The following ATR variants were observed in gnomAD, a reference collection of about 807,000 sequenced individuals.
ATR encodes ATR checkpoint kinase.
ATR carries 142 observed loss-of-function variants against 305.3 expected under a neutral mutation model. That is an observed-to-expected ratio of 0.47 (90% CI 0.41 to 0.53). The LOEUF (loss-of-function observed/expected upper bound fraction) is 0.53. Ranked by LOEUF, ATR falls within the 20% of genes least tolerant of loss-of-function variation. The pLI is 0.00. For missense variants in ATR, 2,135 were observed against 3,133.1 expected, an observed-to-expected ratio of 0.68 and a Z score of 7.60; for synonymous variants, 1,050 against 1,068.1, an observed-to-expected ratio of 0.98 and a Z score of 0.33.
rs757472802 is a variant in ATR, at chr3:142,560,412, A to G, written c.1392T>C (p.Ser464=). The G allele has an allele frequency of 4.3e-6, 7 of 1,613,574 alleles. No individual in the cohort carries two copies. The highest frequency in any genetic ancestry group is 5.9e-6 in the Non-Finnish European group (7 of 1,179,644). ...VDMNQKSILW[S]ALKQKAESLQ... ...GGGATTCAGCTTTCTGTTTCAGTGCACTCCATAATATGCTCTTTTGGTTCA... is the reference window on the plus strand; with the variant it reads ...GGGATTCAGCTTTCTGTTTCAGTGCGCTCCATAATATGCTCTTTTGGTTCA... Residue 464 remains serine, a synonymous_variant, in exon 6 of 47, where the codon AGT becomes AGC. Transcript: ENST00000350721.
chr3:142,517,154 T>C (rs1208632204), intron 24 of ATR, among the ~76,000 whole-genome samples: 6 of 151,696 alleles, frequency 4.0e-5, no homozygotes, highest in Admixed American at 1.3e-4. Flanking sequence ...ATCAAATTTA[T>C]AGTAAACTTA....
intron 18 of ATR, among the ~76,000 whole-genome samples, chr3:142,539,801 C>T (rs2033983930): frequency 6.6e-6 from 1 of 152,176 alleles, no homozygotes; most frequent in African/African-American, 2.4e-5. Flanking sequence ...AGAATCCCAC[C>T]TAGTAAATAC....
intron 35 of ATR, among the ~76,000 whole-genome samples, chr3:142,487,022 C>T (rs1559930368): frequency 6.7e-6 from 1 of 149,978 alleles, no homozygotes; most frequent in Non-Finnish European, 1.5e-5. Context: ...GTCCCAGCTA[C>T]TCGGGAGGCG....
chr3:142,545,819 A>G (rs1218906210), intron 16 of ATR, among the ~76,000 whole-genome samples: 1 of 152,210 alleles, frequency 6.6e-6, no homozygotes, highest in East Asian at 1.9e-4. Context: ...AATGCTTCTC[A>G]GGTTTTGTCT....
intron 24 of ATR, 47 bp from the exon 25 acceptor site, chr3:142,515,562 T>A: frequency 6.5e-7 from 1 of 1,542,392 alleles, no homozygotes; most frequent in East Asian, 2.3e-5. Flanking sequence ...TCCACCTGTT[T>A]AGAATTTTAG....
chr3:142,473,993 C>T (rs1242701677), intron 36 of ATR, among the ~76,000 whole-genome samples: 2 of 135,316 alleles, frequency 1.5e-5, no homozygotes, highest in East Asian at 2.1e-4. Context: ...GAGGCACGAT[C>T]TTGGTTCACT....
intron 46 of ATR, chr3:142,450,184 T>C: frequency 1.9e-6 from 1 of 516,914 alleles, no homozygotes; most frequent in Non-Finnish European, 3.5e-6. Flanking sequence ...CATCGACTTT[T>C]CCGCCAAGAG....
At chr3:142,493,017 C>T (rs534253642) in intron 35 of ATR, 115 bp downstream of exon 35, 4 of 1,113,670 alleles carry the variant, frequency 3.6e-6, no homozygotes, top group South Asian at 3.2e-5. Flanking sequence ...TATATACTCA[C>T]TGAAAAGTCA....
intron 41 of ATR, among the ~76,000 whole-genome samples, 178 bp from the exon 42 acceptor site, chr3:142,462,268 C>T (rs548006098): frequency 2.0e-5 from 3 of 152,258 alleles, no homozygotes; most frequent in African/African-American, 7.2e-5. Flanking sequence ...GGGACAGTAT[C>T]TCTAATCTAT....
chr3:142,449,471 G>A lies in ATR; in HGVS notation c.7893C>T (p.Asn2631=), dbSNP rs2070730666. 1 of 1,612,922 alleles carries A rather than the reference G, an allele frequency of 6.2e-7. No homozygotes were observed. Among genetic ancestry groups the A allele is most frequent in the East Asian group, 2.2e-5 (1 of 44,850 alleles). ...HYLIQEATDE[N]LLCQMYLGWT... The stretch of plus-strand genomic sequence containing the variant: ...AACCAAGATACATCTGGCATAGTAA[G>A]TTTTCATCAGTAGCTTCCTGTATAA... Residue 2631 remains asparagine (N), a synonymous_variant, in exon 47 of 47, where the codon AAC becomes AAT. Transcript: ENST00000350721.
At chr3:142,472,278 T>C (rs578097877) in intron 36 of ATR, 51 of 152,332 alleles carry the variant, frequency 3.3e-4, no homozygotes, top group African/African-American at 1.1e-3. Context: ...CCTTTAGATA[T>C]ATACCCCATA....
chr3:142,512,200 A>C, intron 27 of ATR, 60 bp downstream of exon 27: 1 of 1,373,028 alleles, frequency 7.3e-7, no homozygotes. Flanking sequence ...GATAAAGGGA[A>C]GAGCTAATTG....
At position 142,452,682 on chromosome 3, in the gene ATR, C is replaced by T. The variant is rs924543772; in HGVS notation, c.7761+446G>A. 4.8e-6 allele frequency: 5 copies of T among 1,038,992 alleles called. No individual in the cohort carries two copies. The African/African-American group carries it at 8.6e-5, about 18-fold the overall frequency. The allele number at this position is 1,038,992 out of a possible 1,614,324, so 64.4% of individuals were successfully genotyped here. A position where few individuals can be genotyped will look rare whatever the true frequency, so the allele number is the denominator to read the frequency against. ...GAGCGAGACTCTGTCTCAAAAACAACAACCACCACCACCACCACAACAACA... is the reference window on the plus strand; with the variant it reads ...GAGCGAGACTCTGTCTCAAAAACAATAACCACCACCACCACCACAACAACA... On this transcript the variant is annotated intron_variant, in intron 46 of 46. Coordinates refer to ENST00000350721, the MANE Select transcript of ATR (RefSeq NM_001184.4).
In ATR at chr3:142,555,977, G is replaced by A. The variant is rs2108470851; in HGVS notation, c.2241C>T (p.Ala747=). 3.1e-6 allele frequency: 5 copies of A among 1,613,868 alleles called. No individual in the cohort carries two copies. Among genetic ancestry groups the A allele is most frequent in the Non-Finnish European group, 4.2e-6 (5 of 1,179,920 alleles). ...AAGATGAACATTCATGTTGAGAAGTGGCTTTCAAGTTCCTACAGAAGAGGT... is the reference window on the plus strand; with the variant it reads ...AAGATGAACATTCATGTTGAGAAGTAGCTTTCAAGTTCCTACAGAAGAGGT... The part of the protein sequence containing the change: ...HVDLFCRNLK[A]TSQHECSSSQ... The change falls in exon 10 of 47, where the codon GCC becomes GCT. Residue 747 remains alanine (A), a synonymous_variant. Transcript: ENST00000350721.
chr3:142,508,965 C>T (rs1025790664), intron 27 of ATR, among the ~76,000 whole-genome samples: 2 of 150,726 alleles, frequency 1.3e-5, no homozygotes, highest in African/African-American at 4.9e-5. Flanking sequence ...GTAAAAGTGC[C>T]TTCAAAGTAA....
chr3:142,474,995 G>T (rs2071399526), intron 36 of ATR, among the ~76,000 whole-genome samples: 1 of 151,764 alleles, frequency 6.6e-6, no homozygotes, highest in Non-Finnish European at 1.5e-5. Flanking sequence ...TGGGAATAGT[G>T]GTTGCCTCCA....
chr3:142,487,460 T>C (rs546554101), intron 35 of ATR, among the ~76,000 whole-genome samples: 18 of 152,330 alleles, frequency 1.2e-4, no homozygotes, highest in African/African-American at 4.1e-4. Flanking sequence ...ATTTTTTATC[T>C]GGCTTATTTC....
At chr3:142,471,976 G>C (rs958863566) in intron 36 of ATR, 1 of 152,034 alleles carries the variant, frequency 6.6e-6, no homozygotes, top group Non-Finnish European at 1.5e-5. Context: ...AGATAATTCA[G>C]TATTAATCTT....
At chr3:142,464,707 G>C (rs1456059719) in intron 41 of ATR, among the ~76,000 whole-genome samples, 2 of 152,140 alleles carry the variant, frequency 1.3e-5, no homozygotes, top group African/African-American at 2.4e-5. Flanking sequence ...GCTGGAGGCT[G>C]AGGAGAAGGG....
Sources: gnomAD v4.1 joint callset for allele counts (sites outside exome capture counted in the v4.1 genomes callset) on GRCh38, gnomAD v4.1.1 for gene constraint, MANE v1.5 for transcripts, NCBI Gene and HGNC (gene_info 2026-07-23, HGNC 2026-07-21) for gene names.